ERAP1: variants seen among roughly 807,000 people sequenced by gnomAD.
ERAP1 encodes the protein endoplasmic reticulum aminopeptidase 1.
Under a neutral mutation model 103.7 loss-of-function variants are expected in ERAP1, and 86 were observed. The ratio of observed to expected loss-of-function variants is 0.83; its 90% confidence interval spans 0.70 to 0.99. ERAP1 has a LOEUF of 0.99. Ranked by LOEUF, ERAP1 falls within the 50% of genes least tolerant of loss-of-function variation. ERAP1 has a pLI of 0.00. For synonymous variants in ERAP1, 398 were observed against 402.4 expected, an observed-to-expected ratio of 0.99 and a Z score of 0.13; for missense variants, 1,009 against 1,128.4, an observed-to-expected ratio of 0.89 and a Z score of 1.52.
chr5:96,901,674 C>T, the ERAP1 span: 2 of 1,613,584 alleles, frequency 1.2e-6, no homozygotes. Context: ...GAGGGCCCTG[C>T]AGGAGAGGTG....
At chr5:96,869,246 T>TAG in the ERAP1 span, among the ~76,000 whole-genome samples, 4 of 152,106 alleles carry the variant, frequency 2.6e-5, no homozygotes, top group Non-Finnish European at 5.9e-5. Context: ...GGTGGTAAAC[T>TAG]GTACATCATG....
the ERAP1 span, among the ~76,000 whole-genome samples, chr5:96,888,429 T>C: frequency 6.6e-6 from 1 of 152,216 alleles, no homozygotes; most frequent in Non-Finnish European, 1.5e-5. Context: ...TATGTGTTTT[T>C]ATTGCTTCAC....
the ERAP1 span, among the ~76,000 whole-genome samples, chr5:96,911,663 G>C: frequency 5.3e-4 from 81 of 151,892 alleles, no homozygotes; most frequent in Non-Finnish European, 1.0e-3. Flanking sequence ...CTTGAGCCCA[G>C]GAATTTGAGA....
At chr5:96,768,108 G>T in intron 19 of ERAP1, 1 of 778,814 alleles carries the variant, frequency 1.3e-6, no homozygotes. Context: ...TCTTGTAACA[G>T]GGTCTTACTC....
At chr5:96,852,848 T>C in the ERAP1 span, among the ~76,000 whole-genome samples, 3 of 152,350 alleles carry the variant, frequency 2.0e-5, no homozygotes, top group African/African-American at 7.2e-5. Context: ...ATTATTGCCT[T>C]AAATTTAATC....
chr5:96,785,411 A>G, intron 13 of ERAP1: 1 of 327,266 alleles, frequency 3.1e-6, no homozygotes, highest in South Asian at 2.6e-5. Flanking sequence ...CAAGGCTGTT[A>G]TAAAGACCCA....
exon 20 of ERAP1, chr5:96,763,022 G>A (rs1768540299): frequency 1.4e-6 from 1 of 696,824 alleles, no homozygotes; most frequent in Admixed American, 2.0e-5. Flanking sequence ...GGAGACCACA[G>A]CACATCAAAT....
At chr5:96,814,182 C>A in the ERAP1 span, 1 of 453,394 alleles carries the variant, frequency 2.2e-6, no homozygotes, top group Non-Finnish European at 4.4e-6. Flanking sequence ...TCCAGCATTC[C>A]GTTCCTCATT....
the ERAP1 span, among the ~76,000 whole-genome samples, chr5:96,916,933 C>T: frequency 6.6e-6 from 1 of 152,056 alleles, no homozygotes; most frequent in Admixed American, 6.6e-5. Flanking sequence ...ATTGTGGTCA[C>T]TTGTAAGATG....
At position 96,776,672 on chromosome 5, in the gene ERAP1, A is replaced by G. The variant is rs1774359769; in HGVS notation, c.2671-121T>C. 5.0e-6 allele frequency: 7 copies of G among 1,394,906 alleles called. No individual in the cohort carries two copies. In the South Asian group the frequency reaches 9.0e-5, roughly 18 times the overall value. The allele number at this position is 1,394,906 out of a possible 1,614,324, so 86.4% of individuals were successfully genotyped here. On this transcript the variant is annotated intron_variant, in intron 18 of 18. Transcript: ENST00000443439. ...AAAATTCTATATAGAAGGCAGTCCCAGCTGTCTGAATAGGATTATGTACAC... is the reference window on the plus strand; with the variant it reads ...AAAATTCTATATAGAAGGCAGTCCCGGCTGTCTGAATAGGATTATGTACAC...
chr5:96,765,246 C>T lies in ERAP1; in HGVS notation c.2819-2018G>A, dbSNP rs1408799423. The T allele has an allele frequency of 3.1e-6, 5 of 1,603,730 alleles. No homozygotes were observed. The African/African-American group carries it at 5.4e-5, about 17-fold the overall frequency. On this transcript the variant is annotated intron_variant, in intron 19 of 19. Coordinates refer to the ERAP1 transcript ENST00000296754. ...CAGAGTGACAAAGACCTCGATGATG[C>T]CTTGGATAAACTCTCTGACAGTCTA...
At chr5:96,881,516 T>G in the ERAP1 span, 200 of 455,010 alleles carry the variant, frequency 4.4e-4, no homozygotes, top group Middle Eastern at 3.6e-3. Context: ...TCTCACGTTA[T>G]GTGAATTGTG....
At position 96,793,392 on chromosome 5, in the gene ERAP1, C is replaced by A. The variant is rs1446384034; in HGVS notation, c.1188+8G>T. On this transcript the variant is annotated splice_region_variant and intron_variant, in intron 7 of 18. Transcript: ENST00000443439. The stretch of plus-strand genomic sequence containing the variant: ...AACCTCAAATGTGAAGGATAAATAA[C>A]TACTTACAACTTTCAGTTCAGGATG... 4 of 1,591,442 alleles carry A rather than the reference C, an allele frequency of 2.5e-6. No individual in the cohort carries two copies. Among genetic ancestry groups the A allele is most frequent in the Non-Finnish European group, 3.4e-6 (4 of 1,159,644 alleles).
At chr5:96,818,545 A>C in the ERAP1 span, among the ~76,000 whole-genome samples, 1 of 125,272 alleles carries the variant, frequency 8.0e-6, no homozygotes, top group African/African-American at 2.8e-5. Flanking sequence ...AAAGAAAAGG[A>C]GGCTAAGCTT....
At chr5:96,823,576 T>C in the ERAP1 span, among the ~76,000 whole-genome samples, 1 of 152,190 alleles carries the variant, frequency 6.6e-6, no homozygotes, top group African/African-American at 2.4e-5. Context: ...ACACATTTTC[T>C]TATTTTATTT....
intron 15 of ERAP1, among the ~76,000 whole-genome samples, 190 bp from the exon 16 acceptor site, chr5:96,782,044 T>C (rs866204720): frequency 6.6e-6 from 1 of 150,404 alleles, no homozygotes; most frequent in African/African-American, 2.5e-5. Context: ...GGAGTCTTGC[T>C]CTGTCACCCA....
At chr5:96,829,851 G>T in the ERAP1 span, among the ~76,000 whole-genome samples, 15 of 152,308 alleles carry the variant, frequency 9.8e-5, no homozygotes, top group African/African-American at 3.1e-4. Flanking sequence ...GTTAGCAGGT[G>T]TATAAACCAT....
At chr5:96,781,918 G>GTGAC (rs2150905478) in intron 15 of ERAP1, 64 bp from the exon 16 acceptor site, 4 of 1,524,378 alleles carry the variant, frequency 2.6e-6, no homozygotes, top group Non-Finnish European at 3.6e-6. Flanking sequence ...AGGCATAATG[G>GTGAC]TGACTAACTA....
At chr5:96,909,992 G>T in the ERAP1 span, 1 of 424,822 alleles carries the variant, frequency 2.4e-6, no homozygotes, top group Non-Finnish European at 4.3e-6. Flanking sequence ...CTGGCTGGAT[G>T]CAGTGGCCCA....
Sources: allele counts gnomAD v4.1 joint callset (sites outside exome capture counted in the v4.1 genomes callset), GRCh38; gene constraint gnomAD v4.1.1; transcripts MANE v1.5; gene names NCBI Gene and HGNC (gene_info 2026-07-23, HGNC 2026-07-21).